RBFOX1: variants seen among roughly 807,000 people sequenced by gnomAD.
RBFOX1 encodes the protein RNA binding fox-1 homolog 1.
Under a neutral mutation model 57.7 loss-of-function variants are expected in RBFOX1, and 8 were observed. That is an observed-to-expected ratio of 0.14 (90% CI 0.08 to 0.25). RBFOX1 has a LOEUF of 0.25. Ranked by LOEUF, RBFOX1 falls within the 10% of genes least tolerant of loss-of-function variation. RBFOX1 has a pLI of 1.00. For missense variants in RBFOX1, 611 were observed against 548.5 expected, an observed-to-expected ratio of 1.11 and a Z score of -1.14; for synonymous variants, 326 against 222.4, an observed-to-expected ratio of 1.47 and a Z score of -4.15.
chr16:5,778,716 C>G lies in RBFOX1; in HGVS notation c.319-88587C>G, dbSNP rs1407719202. On this transcript the variant is annotated intron_variant, in intron 3 of 19. Transcript: ENST00000641259. ...ATTTAGGGTGGGGATCCCTTCTTCACTATGAGGGTGAATAGGAGGTGACCA... is the reference window on the plus strand; with the variant it reads ...ATTTAGGGTGGGGATCCCTTCTTCAGTATGAGGGTGAATAGGAGGTGACCA... Among the ~76,000 whole-genome samples, 2 of 152,142 alleles carry G rather than the reference C, an allele frequency of 1.3e-5. 1 individual carries two copies. The highest frequency in any genetic ancestry group is 2.9e-5 in the Non-Finnish European group (2 of 68,034).
At chr16:6,326,824 C>T (rs1163198170) in intron 2 of RBFOX1, among the ~76,000 whole-genome samples, 2 of 152,162 alleles carry the variant, frequency 1.3e-5, no homozygotes, top group Non-Finnish European at 2.9e-5. Context: ...CCTTCACAAC[C>T]CCAGAGCAGA....
chr16:6,976,876 T>TATG (rs3074659), intron 3 of RBFOX1, among the ~76,000 whole-genome samples: 143,171 of 146,678 alleles, frequency 0.98, 69,892 homozygotes, highest in East Asian at 1. Context: ...ACATATGTCA[T>TATG]ATCCATATCA....
At chr16:6,543,917 A>G (rs1195055027) in intron 2 of RBFOX1, among the ~76,000 whole-genome samples, 1 of 152,180 alleles carries the variant, frequency 6.6e-6, no homozygotes, top group Non-Finnish European at 1.5e-5. Flanking sequence ...CCATCTTGGC[A>G]TTTGGGGAAT....
At chr16:5,507,673 G>A (rs1026735469) in intron 2 of RBFOX1, among the ~76,000 whole-genome samples, 2 of 152,222 alleles carry the variant, frequency 1.3e-5, no homozygotes, top group African/African-American at 2.4e-5. Flanking sequence ...CTGGAGTGGG[G>A]TGGGTCTTAA....
At chr16:7,539,290 C>A (rs1047934790) in intron 5 of RBFOX1, among the ~76,000 whole-genome samples, 13 of 152,112 alleles carry the variant, frequency 8.5e-5, no homozygotes, top group African/African-American at 3.1e-4. Context: ...AAGCTGTGTT[C>A]TGAAGGATGG....
At chr16:5,848,784 T>TA (rs1017348561) in intron 3 of RBFOX1, among the ~76,000 whole-genome samples, 7 of 151,614 alleles carry the variant, frequency 4.6e-5, no homozygotes, top group South Asian at 2.1e-4. Context: ...CCGTCTCTAA[T>TA]AAAAAAATAC....
intron 2 of RBFOX1, among the ~76,000 whole-genome samples, chr16:6,427,373 C>G (rs2093959522): frequency 6.6e-6 from 1 of 152,182 alleles, no homozygotes. Flanking sequence ...AAACGGTTCC[C>G]ACATTGTTGA....
chr16:6,555,332 T>C (rs900306662), intron 2 of RBFOX1, among the ~76,000 whole-genome samples: 7 of 152,156 alleles, frequency 4.6e-5, no homozygotes, highest in South Asian at 2.1e-4. Flanking sequence ...TCCAGTGTTA[T>C]GGTAATGCGA....
intron 4 of RBFOX1, among the ~76,000 whole-genome samples, chr16:5,908,207 CATAT>C (rs528394401): frequency 6.9e-6 from 1 of 144,860 alleles, no homozygotes; most frequent in African/African-American, 2.6e-5. Context: ...CATATACACA[CATAT>C]ATATACATAT....
intron 4 of RBFOX1, among the ~76,000 whole-genome samples, chr16:7,176,385 C>G (rs541485055): frequency 2.0e-5 from 3 of 151,764 alleles, no homozygotes; most frequent in East Asian, 1.9e-4. Flanking sequence ...TACTTTGTGA[C>G]TATAATTTGA....
chr16:5,742,036 A>G (rs1355075221), intron 3 of RBFOX1, among the ~76,000 whole-genome samples: 1 of 152,226 alleles, frequency 6.6e-6, no homozygotes, highest in African/African-American at 2.4e-5. Context: ...ATAAGAGAAA[A>G]TAATAAATCA....
At chr16:7,243,125 G>C (rs899438647) in intron 4 of RBFOX1, among the ~76,000 whole-genome samples, 3 of 152,032 alleles carry the variant, frequency 2.0e-5, no homozygotes, top group Admixed American at 1.3e-4. Context: ...GAATACATTT[G>C]AATGTTTTCA....
At chr16:5,816,648 A>T (rs1406864085) in intron 3 of RBFOX1, among the ~76,000 whole-genome samples, 1 of 152,096 alleles carries the variant, frequency 6.6e-6, no homozygotes, top group Non-Finnish European at 1.5e-5. Context: ...GCCAGATGTC[A>T]TGGATTGTGC....
chr16:6,405,823 A>G (rs537475155), intron 2 of RBFOX1, among the ~76,000 whole-genome samples: 1 of 152,326 alleles, frequency 6.6e-6, no homozygotes, highest in Admixed American at 6.5e-5. Flanking sequence ...ATTATTTAAT[A>G]ATGATCAATA....
At chr16:6,704,536 C>A (rs1215792501) in intron 3 of RBFOX1, 1 of 152,224 alleles carries the variant, frequency 6.6e-6, no homozygotes, top group East Asian at 1.9e-4. Context: ...CCCCTTGGGT[C>A]TGGAAGTTGT....
intron 4 of RBFOX1, among the ~76,000 whole-genome samples, chr16:7,480,098 C>T (rs759522035): frequency 6.6e-6 from 1 of 152,188 alleles, no homozygotes; most frequent in Non-Finnish European, 1.5e-5. Context: ...TTATCATGTT[C>T]TTAAAGAAGG....
At chr16:5,988,793 A>G (rs76663677) in intron 4 of RBFOX1, among the ~76,000 whole-genome samples, 1 of 151,094 alleles carries the variant, frequency 6.6e-6, no homozygotes, top group African/African-American at 2.4e-5. Flanking sequence ...ATTTTTTTTT[A>G]AATATAAAAT....
chr16:7,578,037 G>T (rs1343883988), intron 5 of RBFOX1, among the ~76,000 whole-genome samples: 2 of 152,256 alleles, frequency 1.3e-5, no homozygotes, highest in Non-Finnish European at 2.9e-5. Flanking sequence ...GCTCAGTAAA[G>T]ATGTGTAAAC....
chr16:7,048,079 A>G (rs924080972), intron 3 of RBFOX1, among the ~76,000 whole-genome samples: 1 of 151,996 alleles, frequency 6.6e-6, no homozygotes, highest in Non-Finnish European at 1.5e-5. Context: ...GGGTTTCACC[A>G]TGTTGGCCAG....
Sources: gnomAD v4.1 joint callset for allele counts (sites outside exome capture counted in the v4.1 genomes callset) on GRCh38, gnomAD v4.1.1 for gene constraint, MANE v1.5 for transcripts, NCBI Gene and HGNC (gene_info 2026-07-23, HGNC 2026-07-21) for gene names.